Variants in NCSTN observed in about 807,000 individuals in gnomAD.
NCSTN encodes the protein nicastrin, also known as anterior pharynx-defective 2.
NCSTN carries 22 observed loss-of-function variants against 87.0 expected under a neutral mutation model. That is an observed-to-expected ratio of 0.25 (90% CI 0.18 to 0.36). The LOEUF (loss-of-function observed/expected upper bound fraction) is 0.36, where lower values mean the gene tolerates loss of function less well. NCSTN is among the 10% of genes least tolerant of loss of function. The pLI is 1.00. For synonymous variants in NCSTN, 306 were observed against 327.1 expected, an observed-to-expected ratio of 0.94 and a Z score of 0.69; for missense variants, 693 against 883.3, an observed-to-expected ratio of 0.78 and a Z score of 2.73.
intron 4 of NCSTN, 109 bp from the exon 5 acceptor site, chr1:160,349,996 C>T (rs1648747507): frequency 7.4e-7 from 1 of 1,353,170 alleles, no homozygotes; most frequent in Admixed American, 1.7e-5. Flanking sequence ...GAGTCACCAC[C>T]TCCTTTTGAA....
At chr1:160,344,485 C>G (rs1648332401) in intron 1 of NCSTN, 3 of 1,529,276 alleles carry the variant, frequency 2.0e-6, no homozygotes, top group Non-Finnish European at 2.6e-6. Context: ...GTGTCACTGT[C>G]AATGGCGCTA....
At chr1:160,357,844 C>T (rs550961451) in intron 16 of NCSTN, among the ~76,000 whole-genome samples, 26 of 152,284 alleles carry the variant, frequency 1.7e-4, no homozygotes, top group African/African-American at 5.5e-4. Flanking sequence ...TCTAATGTAC[C>T]GAGCTCCTGT....
At chr1:160,349,968 CT>C in intron 4 of NCSTN, 136 bp from the exon 5 acceptor site, 5 of 1,118,248 alleles carry the variant, frequency 4.5e-6, no homozygotes, top group Non-Finnish European at 6.8e-6. Flanking sequence ...TGGTAATAGA[CT>C]TCATGCCTAC....
intron 2 of NCSTN, chr1:160,345,266 C>G (rs912411788): frequency 3.9e-6 from 1 of 258,892 alleles, no homozygotes; most frequent in East Asian, 1.0e-4. Context: ...GATCTCGGCT[C>G]ACGGTGACCT....
chr1:160,343,604 T>A (rs922883210), intron 1 of NCSTN, 123 bp downstream of exon 1: 1 of 949,342 alleles, frequency 1.1e-6, no homozygotes, highest in East Asian at 2.6e-5. Context: ...CTGTAAATCC[T>A]CTTTCTTTTT....
At chr1:160,348,311 C>A (rs188329199) in intron 2 of NCSTN, among the ~76,000 whole-genome samples, 27 of 152,298 alleles carry the variant, frequency 1.8e-4, no homozygotes, top group African/African-American at 6.3e-4. Context: ...TGTATAGCAT[C>A]CTGGCACATA....
intron 3 of NCSTN, 58 bp from the exon 4 acceptor site, chr1:160,349,491 A>G: frequency 1.2e-6 from 2 of 1,610,592 alleles, no homozygotes. Context: ...TGCAGGCAGA[A>G]TGTCAGGCTG....
chr1:160,343,536 C>T (rs1197789515), intron 1 of NCSTN, 55 bp downstream of exon 1: 11 of 1,489,838 alleles, frequency 7.4e-6, no homozygotes, highest in African/African-American at 5.5e-5. Flanking sequence ...TCGGATCGGC[C>T]CCGCCGCGAC....
intron 2 of NCSTN, chr1:160,345,219 T>A: frequency 3.2e-6 from 1 of 308,538 alleles, no homozygotes; most frequent in South Asian, 2.9e-5. Flanking sequence ...TGACACGGAG[T>A]TTCACTCTTG....
intron 9 of NCSTN, 29 bp from the exon 10 acceptor site, chr1:160,353,131 T>C (rs1445677706): frequency 1.2e-6 from 2 of 1,610,150 alleles, no homozygotes; most frequent in South Asian, 2.2e-5. Context: ...AGACTGATTC[T>C]AAGTGTTGTT....
At chr1:160,351,409 G>C (rs1648832746) in intron 6 of NCSTN, 37 bp downstream of exon 6, 1 of 1,607,106 alleles carries the variant, frequency 6.2e-7, no homozygotes, top group Non-Finnish European at 8.5e-7. Context: ...AATGGAATAA[G>C]GGGCAGAGGG....
At chr1:160,349,960 G>T in intron 4 of NCSTN, 145 bp from the exon 5 acceptor site, 1 of 1,052,326 alleles carries the variant, frequency 9.5e-7, no homozygotes, top group Non-Finnish European at 1.5e-6. Flanking sequence ...AGTGTGGATG[G>T]TAATAGACTT....
Position 160,355,663 on chromosome 1 carries a change from A to G in NCSTN, c.1361A>G (p.Gln454Arg), listed in dbSNP as rs1332219586. 2 of 1,613,260 alleles carry G rather than the reference A, an allele frequency of 1.2e-6. No individual in the cohort carries two copies. The highest frequency in any genetic ancestry group is 1.7e-6 in the Non-Finnish European group (2 of 1,179,184). ...GCCGGCTTTCCTGGCAGATATTACCAGAGTATTTACGACACTGCTGAGAAC... is the reference window on the plus strand; with the variant it reads ...GCCGGCTTTCCTGGCAGATATTACCGGAGTATTTACGACACTGCTGAGAAC... The part of the protein sequence containing the change: ...HSGAFHNKYY[Q>R]SIYDTAENIN... The change falls in exon 12 of 17, where the codon CAG (glutamine) becomes CGG (arginine). Residue 454 changes from glutamine to arginine, a missense_variant. By Grantham distance (43) the Gln-to-Arg change is conservative (BLOSUM62 1). Around this residue, in one of 4 missense-constraint regions of NCSTN, gnomAD observed 108 missense variants for 111.6 expected, o/e 0.97. Transcript: ENST00000294785.
In NCSTN at chr1:160,356,317, A is replaced by G. The variant is rs1190484588; in HGVS notation, c.1609A>G (p.Ile537Val). 4 of 1,613,524 alleles carry G rather than the reference A, an allele frequency of 2.5e-6. No individual in the cohort carries two copies. The East Asian group carries it at 6.7e-5, about 27-fold the overall frequency. ...IKANNSWFQS[I>V]LRQDLRSYLG... ...AGCCAACAACTCATGGTTCCAGTCTATCCTCAGGCAGGACCTAAGGTCCTA... is the reference window on the plus strand; with the variant it reads ...AGCCAACAACTCATGGTTCCAGTCTGTCCTCAGGCAGGACCTAAGGTCCTA... Residue 537 changes from isoleucine to valine, a missense_variant, in exon 14 of 17, where the codon ATC (isoleucine) becomes GTC (valine). Around this residue, in one of 4 missense-constraint regions of NCSTN, gnomAD observed 216 missense variants for 311.7 expected, o/e 0.69. Coordinates refer to ENST00000294785, the MANE Select transcript of NCSTN (RefSeq NM_015331.3).
intron 5 of NCSTN, among the ~76,000 whole-genome samples, chr1:160,350,548 A>G (rs973187807): frequency 1.3e-5 from 2 of 152,138 alleles, no homozygotes; most frequent in African/African-American, 4.8e-5. Flanking sequence ...GGTTGCTCCA[A>G]AAAGAACCAA....
chr1:160,347,302 G>GA (rs1648552259), intron 2 of NCSTN, among the ~76,000 whole-genome samples: 1 of 152,252 alleles, frequency 6.6e-6, no homozygotes, highest in South Asian at 2.1e-4. Flanking sequence ...AAACTAAGGA[G>GA]AAAAAAGTGA....
chr1:160,350,033 C>T, intron 4 of NCSTN, 72 bp from the exon 5 acceptor site: 6 of 1,547,690 alleles, frequency 3.9e-6, no homozygotes, highest in South Asian at 1.1e-5. Flanking sequence ...AAAGATTCTT[C>T]TGCCGTCACC....
intron 2 of NCSTN, among the ~76,000 whole-genome samples, chr1:160,345,767 T>A (rs1386287593): frequency 6.6e-6 from 1 of 150,638 alleles, no homozygotes; most frequent in South Asian, 2.1e-4. Flanking sequence ...AACCCCCCCA[T>A]CTCTACTAAA....
At chr1:160,352,746 TCA>T in intron 8 of NCSTN, 139 bp from the exon 9 acceptor site, 1 of 730,908 alleles carries the variant, frequency 1.4e-6, no homozygotes, top group Non-Finnish European at 2.5e-6. Flanking sequence ...AAGCCGAAAG[TCA>T]CATGACTGTA....
Sources: gnomAD v4.1 joint callset for allele counts (sites outside exome capture counted in the v4.1 genomes callset) on GRCh38, gnomAD v4.1.1 for gene constraint, gnomAD v4.1.1 regional missense constraint, MANE v1.5 for transcripts, NCBI Gene and HGNC (gene_info 2026-07-23, HGNC 2026-07-21) for gene names.